TDRD3: variants seen among roughly 807,000 people sequenced by gnomAD.
TDRD3 encodes the protein tudor domain-containing protein 3.
In TDRD3, 45 loss-of-function variants were observed where a neutral mutation model predicts 86.7. The observed-to-expected ratio is 0.52, with a 90% CI of 0.41 to 0.67. TDRD3 has a LOEUF of 0.67. Among genes scored for constraint, TDRD3 ranks in the 30% least tolerant of loss-of-function variants. TDRD3 has a pLI of 0.00. For missense variants in TDRD3, 814 were observed against 889.0 expected (o/e 0.92, Z 1.07); for synonymous variants, 298 against 301.7 (o/e 0.99, Z 0.13).
At chr13:60,483,698 A>G in intron 5 of TDRD3, 77 bp from the exon 6 acceptor site, 2 of 1,359,986 alleles carry the variant, frequency 1.5e-6, no homozygotes, top group Non-Finnish European at 2.0e-6. Flanking sequence ...AAATAGGTAG[A>G]TTCCTGTTAC....
At chr13:60,547,530 A>G (rs1365295276) in intron 12 of TDRD3, 1 of 369,870 alleles carries the variant, frequency 2.7e-6, no homozygotes, top group Non-Finnish European at 3.7e-6. Flanking sequence ...GTTTCAGTAC[A>G]GGATTGTTGT....
intron 12 of TDRD3, among the ~76,000 whole-genome samples, chr13:60,539,650 G>A (rs1957769340): frequency 6.6e-6 from 1 of 151,642 alleles, no homozygotes; most frequent in South Asian, 2.1e-4. Context: ...TAGTTTTGAA[G>A]TAACTTTGTA....
chr13:60,481,349 G>GTTTTTTT (rs796837758), intron 5 of TDRD3, among the ~76,000 whole-genome samples: 5 of 137,378 alleles, frequency 3.6e-5, no homozygotes, highest in Non-Finnish European at 6.3e-5. Context: ...CCCTCTTTGT[G>GTTTTTTT]TTTTTTTTTT....
intron 1 of TDRD3, among the ~76,000 whole-genome samples, chr13:60,404,558 C>T (rs1415485497): frequency 1.3e-5 from 2 of 151,936 alleles, no homozygotes; most frequent in African/African-American, 4.8e-5. Flanking sequence ...GATCCGCCCG[C>T]CTCGGCCTCC....
chr13:60,482,074 A>G (rs1956329883), intron 5 of TDRD3, among the ~76,000 whole-genome samples: 1 of 152,130 alleles, frequency 6.6e-6, no homozygotes, highest in Non-Finnish European at 1.5e-5. Context: ...TATACCCTTT[A>G]TGAGTTCTGG....
At chr13:60,453,674 C>A (rs922192513) in intron 3 of TDRD3, among the ~76,000 whole-genome samples, 2 of 152,184 alleles carry the variant, frequency 1.3e-5, no homozygotes, top group Non-Finnish European at 2.9e-5. Context: ...CTGCTCTTGG[C>A]TAGATCACAA....
chr13:60,529,343 G>A, intron 11 of TDRD3, 126 bp downstream of exon 11: 2 of 1,046,024 alleles, frequency 1.9e-6, no homozygotes, highest in Non-Finnish European at 1.3e-6. Flanking sequence ...TAAAATCTTT[G>A]AACAGATTTA....
intron 10 of TDRD3, among the ~76,000 whole-genome samples, chr13:60,511,530 G>A (rs1157394471): frequency 1.3e-5 from 2 of 152,182 alleles, no homozygotes; most frequent in African/African-American, 4.8e-5. Flanking sequence ...CTATTTCTGT[G>A]TAACAAATTA....
intron 8 of TDRD3, among the ~76,000 whole-genome samples, chr13:60,499,423 A>T (rs756822949): frequency 1.3e-5 from 2 of 152,222 alleles, no homozygotes; most frequent in African/African-American, 2.4e-5. Flanking sequence ...GGTCCACCCG[A>T]AGCAATTTGC....
At chr13:60,511,672 C>T (rs760815433) in intron 10 of TDRD3, among the ~76,000 whole-genome samples, 21 of 152,116 alleles carry the variant, frequency 1.4e-4, no homozygotes, top group East Asian at 1.9e-4. Flanking sequence ...TTGGTTGGAG[C>T]GGTGATGTTA....
chr13:60,413,539 TACAC>T (rs1468153821), intron 1 of TDRD3, among the ~76,000 whole-genome samples: 3 of 152,204 alleles, frequency 2.0e-5, no homozygotes, highest in Admixed American at 1.3e-4. Flanking sequence ...AATAAGTTAA[TACAC>T]ACAAAGTGCT....
At chr13:60,506,058 G>A (rs929956530) in intron 8 of TDRD3, among the ~76,000 whole-genome samples, 4 of 152,114 alleles carry the variant, frequency 2.6e-5, no homozygotes, top group Admixed American at 6.5e-5. Flanking sequence ...CTTGAGAAGA[G>A]CAACCCCAAG....
chr13:60,530,616 A>AT (rs746006256), intron 11 of TDRD3, among the ~76,000 whole-genome samples: 1,357 of 125,104 alleles, frequency 0.011, 12 homozygotes, highest in African/African-American at 0.021. Context: ...AATTTTTTGT[A>AT]TTTTTTTTTT....
chr13:60,435,405 T>C (rs1035441403), intron 1 of TDRD3, among the ~76,000 whole-genome samples: 3 of 152,136 alleles, frequency 2.0e-5, no homozygotes, highest in African/African-American at 7.2e-5. Context: ...TGTAGTCTTT[T>C]ATCCCTCACC....
Position 60,481,635 on chromosome 13 carries a change from TTA to T in TDRD3, c.496-2138_496-2137del, listed in dbSNP as rs138746884. Among the ~76,000 whole-genome samples the T allele has an allele frequency of 7.7e-3, 1,176 of 152,288 alleles. 15 individuals are homozygous for T. The highest frequency in any genetic ancestry group is 0.027 in the African/African-American group (1,116 of 41,580). ...TTGTATTTTTCTTTACTAGTTGAATTTATGTTTTCTTTTAAATACTTACACAT... is the reference window on the plus strand; with the variant it reads ...TTGTATTTTTCTTTACTAGTTGAATTTGTTTTCTTTTAAATACTTACACAT... On this transcript the variant is annotated intron_variant, in intron 5 of 13. Transcript: ENST00000377881.
chr13:60,424,659 A>G (rs1363730927), intron 1 of TDRD3, among the ~76,000 whole-genome samples: 1 of 152,202 alleles, frequency 6.6e-6, no homozygotes, highest in Non-Finnish European at 1.5e-5. Context: ...CCTGCGCAAC[A>G]GAAGGCAACT....
chr13:60,494,628 C>CTT, intron 8 of TDRD3, 53 bp downstream of exon 8: 1 of 1,545,604 alleles, frequency 6.5e-7, no homozygotes, highest in Non-Finnish European at 8.8e-7. Flanking sequence ...TAAAATGATT[C>CTT]TTTTATTCTT....
intron 1 of TDRD3, among the ~76,000 whole-genome samples, chr13:60,412,126 C>T (rs905418365): frequency 1.4e-4 from 21 of 152,188 alleles, no homozygotes; most frequent in Non-Finnish European, 2.8e-4. Flanking sequence ...AACTGTAAAA[C>T]CTTGTGGTAG....
At chr13:60,564,889 G>C (rs1371439063) in intron 12 of TDRD3, among the ~76,000 whole-genome samples, 1 of 152,048 alleles carries the variant, frequency 6.6e-6, no homozygotes, top group African/African-American at 2.4e-5. Context: ...TACCCATTCT[G>C]TGCTAAAAAT....
Sources: gnomAD v4.1 joint callset for allele counts (sites outside exome capture counted in the v4.1 genomes callset) on GRCh38, gnomAD v4.1.1 for gene constraint, MANE v1.5 for transcripts, NCBI Gene and HGNC (gene_info 2026-07-23, HGNC 2026-07-21) for gene names.